Variants in PCDHA4 observed in about 807,000 individuals in gnomAD.
PCDHA4 encodes protocadherin alpha 4.
A neutral mutation model predicts 61.4 loss-of-function variants in PCDHA4; 49 were observed. The observed-to-expected ratio is 0.80, with a 90% CI of 0.63 to 1.01. PCDHA4 has a LOEUF of 1.01. PCDHA4 is among the 50% of genes least tolerant of loss of function. The probability of loss-of-function intolerance (pLI) is 0.00; values close to 1 mark genes in which losing one functional copy is unlikely to be tolerated. For synonymous variants in PCDHA4, 590 were observed against 550.3 expected, an observed-to-expected ratio of 1.07 and a Z score of -1.01; for missense variants, 1,254 against 1,235.8, an observed-to-expected ratio of 1.01 and a Z score of -0.22.
At chr5:140,822,630 TG>T in intron 1 of PCDHA4, 1 of 1,611,460 alleles carries the variant, frequency 6.2e-7, no homozygotes, top group Non-Finnish European at 8.5e-7. Context: ...ATCTTGTTCT[TG>T]ACGATGTAAA....
intron 1 of PCDHA4, chr5:140,929,324 T>C (rs781810168): frequency 1.2e-5 from 19 of 1,540,130 alleles, no homozygotes; most frequent in Non-Finnish European, 3.5e-6. Context: ...GTCAATGCCA[T>C]GGTAAGCAAA....
intron 1 of PCDHA4, among the ~76,000 whole-genome samples, chr5:140,888,313 G>C (rs1434881975): frequency 6.6e-6 from 1 of 152,154 alleles, no homozygotes; most frequent in Non-Finnish European, 1.5e-5. Context: ...ATTTGGCAAT[G>C]CCTGGATACA....
chr5:140,858,341 G>A, intron 1 of PCDHA4: 1 of 1,595,396 alleles, frequency 6.3e-7, no homozygotes, highest in Non-Finnish European at 8.6e-7. Context: ...CCTGCCCAAG[G>A]CGGACCTCAT....
chr5:140,850,243 G>T lies in PCDHA4; in HGVS notation c.2385+40671G>T, dbSNP rs2150475215. 2 of 1,593,880 alleles carry T rather than the reference G, an allele frequency of 1.3e-6. No homozygotes were observed. The highest frequency in any genetic ancestry group is 1.3e-5 in the African/African-American group (1 of 74,400). ...GGCGCAGTGAGCGAGATGGTGCTGC[G>T]GTCGGTGGGCGCCGGCGTAGTGGTG... On this transcript the variant is annotated intron_variant, in intron 1 of 3. Transcript: ENST00000530339.
chr5:141,004,423 C>T (rs2098165944), intron 3 of PCDHA4, among the ~76,000 whole-genome samples: 1 of 152,202 alleles, frequency 6.6e-6, no homozygotes, highest in Non-Finnish European at 1.5e-5. Context: ...TCTCTGCCTC[C>T]TGGAGTTTAG....
At chr5:140,854,018 C>T (rs1041101905) in intron 1 of PCDHA4, 6 of 346,140 alleles carry the variant, frequency 1.7e-5, no homozygotes, top group East Asian at 1.7e-4. Context: ...AAAAATTAGC[C>T]GGGCATGGTG....
intron 1 of PCDHA4, chr5:140,863,344 T>C (rs1554158123): frequency 1.5e-6 from 2 of 1,323,546 alleles, no homozygotes; most frequent in Admixed American, 1.8e-5. Context: ...GTTGCTGCTG[T>C]ACACGACGCT....
At chr5:140,981,479 C>T (rs1275257398) in intron 2 of PCDHA4, among the ~76,000 whole-genome samples, 20 of 152,148 alleles carry the variant, frequency 1.3e-4, no homozygotes, top group African/African-American at 4.8e-4. Flanking sequence ...GAGGCTGAGG[C>T]AGGAGAATTG....
Position 140,808,998 on chromosome 5 carries a change from A to G in PCDHA4, c.1811A>G (p.Asn604Ser). The change falls in exon 1 of 4, where the codon AAC (asparagine) becomes AGC (serine). Residue 604 changes from asparagine to serine, a missense_variant. Physicochemically the swap from Asn to Ser is conservative, Grantham distance 46. Coordinates refer to ENST00000530339, the MANE Select transcript of PCDHA4 (RefSeq NM_018907.4). ...GCGGTGGATGCTGACTCGGGCTACA[A>G]CGCGTGGCTTTCGTACGAGCTGCAG... ...VRAVDADSGY[N>S]AWLSYELQPG... is the part of the protein sequence containing the mutation. 2 of 1,613,614 alleles carry G rather than the reference A, an allele frequency of 1.2e-6. No individual in the cohort carries two copies. The highest frequency in any genetic ancestry group is 1.7e-6 in the Non-Finnish European group (2 of 1,179,728).
At chr5:140,941,563 C>T (rs2093116700) in intron 1 of PCDHA4, among the ~76,000 whole-genome samples, 1 of 151,946 alleles carries the variant, frequency 6.6e-6, no homozygotes, top group Admixed American at 6.6e-5. Context: ...GATCCATTCG[C>T]CTCAGCCTCC....
chr5:140,870,391 G>A lies in PCDHA4; in HGVS notation c.2385+60819G>A. 1.9e-6 allele frequency: 3 copies of A among 1,614,230 alleles called. No homozygotes were observed. Among genetic ancestry groups the A allele is most frequent in the East Asian group, 2.2e-5 (1 of 44,872 alleles). The stretch of plus-strand genomic sequence containing the variant: ...ACTGGTGGTGACTGCGCGGGATGGG[G>A]GTTCGCCTTCTCTGTGGGCCACGGC... On this transcript the variant is annotated intron_variant, in intron 1 of 3. Transcript: ENST00000530339.
chr5:140,807,540 A>T lies in PCDHA4; in HGVS notation c.353A>T (p.His118Leu). The T allele has an allele frequency of 6.2e-7, 1 of 1,614,136 alleles. No homozygotes were observed. Among genetic ancestry groups the T allele is most frequent in the South Asian group, 1.1e-5 (1 of 91,084 alleles). Residue 118 changes from histidine (H) to leucine (L), a missense_variant, in exon 1 of 4, where the codon CAT (histidine) becomes CTT (leucine). Transcript: ENST00000530339. ...VIVDRPLQVF[H>L]VDVEVRDIND... Reference sequence around the variant, plus strand: ...GTAGACAGGCCGCTGCAGGTTTTCCATGTGGACGTGGAGGTGAGGGACATT... The same window carrying T: ...GTAGACAGGCCGCTGCAGGTTTTCCTTGTGGACGTGGAGGTGAGGGACATT...
At position 140,979,027 on chromosome 5, in the gene PCDHA4, T is replaced by C. The variant is rs782016038; in HGVS notation, c.2444+20T>C. ...GCACAGGTATGTATTTCCCTCCTCA[T>C]TCACTCAGAAGTAACCTTAACTTGG... On this transcript the variant is annotated intron_variant, in intron 2 of 3. Coordinates refer to ENST00000530339, the MANE Select transcript of PCDHA4 (RefSeq NM_018907.4). The C allele has an allele frequency of 3.5e-5, 57 of 1,613,492 alleles. No homozygotes were observed. Among genetic ancestry groups the C allele is most frequent in the Non-Finnish European group, 4.4e-5 (52 of 1,179,754 alleles).
At chr5:140,884,679 A>C (rs782535862) in intron 1 of PCDHA4, 12 of 1,551,914 alleles carry the variant, frequency 7.7e-6, no homozygotes, top group Non-Finnish European at 8.7e-6. Context: ...TTATATTTTA[A>C]AAAATTGTCT....
intron 1 of PCDHA4, among the ~76,000 whole-genome samples, chr5:140,890,263 A>G (rs1357896634): frequency 6.6e-6 from 1 of 152,194 alleles, no homozygotes; most frequent in Admixed American, 6.5e-5. Flanking sequence ...ACCTGATTGC[A>G]AGCAAGAACC....
chr5:140,861,234 C>T (rs868927537), intron 1 of PCDHA4: 7 of 166,456 alleles, frequency 4.2e-5, no homozygotes, highest in Middle Eastern at 2.9e-3. Context: ...ATTTTAGCTG[C>T]TAGACAAAGT....
At chr5:140,862,824 G>C (rs1205805230) in intron 1 of PCDHA4, 1 of 571,890 alleles carries the variant, frequency 1.7e-6, no homozygotes, top group Non-Finnish European at 3.4e-6. Flanking sequence ...AGGTGAGAGC[G>C]CGCGACGCGG....
chr5:140,924,752 G>A (rs970314481), intron 1 of PCDHA4, among the ~76,000 whole-genome samples: 5 of 151,648 alleles, frequency 3.3e-5, no homozygotes, highest in South Asian at 2.1e-4. Context: ...AAAATTAACC[G>A]AGCATGGTGG....
At chr5:140,831,169 T>C (rs1771407400) in intron 1 of PCDHA4, 1 of 152,190 alleles carries the variant, frequency 6.6e-6, no homozygotes, top group Admixed American at 6.6e-5. Context: ...AATGGAAAAA[T>C]AGTGATTCAA....
Sources: allele counts gnomAD v4.1 joint callset (sites outside exome capture counted in the v4.1 genomes callset), GRCh38; gene constraint gnomAD v4.1.1; transcripts MANE v1.5; gene names NCBI Gene and HGNC (gene_info 2026-07-23, HGNC 2026-07-21).